The following DNAH5 variants were observed in gnomAD, a reference collection of about 807,000 sequenced individuals.
The protein encoded by DNAH5 is axonemal beta dynein heavy chain 5.
A neutral mutation model predicts 518.2 loss-of-function variants in DNAH5; 372 were observed. The observed-to-expected ratio is 0.72, with a 90% CI of 0.66 to 0.78. The LOEUF is 0.78. Among genes scored for constraint, DNAH5 ranks in the 30% least tolerant of loss-of-function variants. The pLI, the probability that DNAH5 is intolerant of heterozygous loss-of-function variation, is 0.00. For synonymous variants in DNAH5, 2,039 were observed against 2,025.9 expected, an observed-to-expected ratio of 1.01 and a Z score of -0.17; for missense variants, 5,523 against 5,687.0, an observed-to-expected ratio of 0.97 and a Z score of 0.93.
chr5:13,758,860 T>A lies in DNAH5; in HGVS notation c.10405A>T (p.Met3469Leu). 1 of 1,614,212 alleles carries A rather than the reference T, an allele frequency of 6.2e-7. No homozygotes were observed. Among genetic ancestry groups the A allele is most frequent in the Non-Finnish European group, 8.5e-7 (1 of 1,180,012 alleles). ...DVVQAEYEQA[M>L]TEKQTLLEDA... ...AGGGCAGTTACCTGCTTTTCAGTCA[T>A]GGCCTGTTCATACTCAGCCTGCACC... Residue 3469 changes from methionine to leucine, a missense_variant, in exon 61 of 79, where the codon ATG becomes TTG. Coordinates refer to ENST00000265104, the MANE Select transcript of DNAH5 (RefSeq NM_001369.3).
Position 13,882,800 on chromosome 5 carries a change from T to C in DNAH5, c.3190A>G (p.Arg1064Gly). ...ELLSKKKIQE[R>G]KMAALQSNED... Reference sequence around the variant, plus strand: ...TTACTCTGCAAAGCAGCCATTTTTCTTTCTTGTATCTTTTTCTACAATGTA... The same window carrying C: ...TTACTCTGCAAAGCAGCCATTTTTCCTTCTTGTATCTTTTTCTACAATGTA... The change falls in exon 21 of 79, where the codon AGA becomes GGA. Residue 1064 changes from arginine to glycine, a missense_variant. Around this residue, in one of 3 missense-constraint regions of DNAH5, gnomAD observed 5,121 missense variants for 5,223.3 expected, o/e 0.98. Transcript: ENST00000265104. 1.2e-6 allele frequency: 2 copies of C among 1,614,178 alleles called. No homozygotes were observed. Among genetic ancestry groups the C allele is most frequent in the Non-Finnish European group, 1.7e-6 (2 of 1,179,974 alleles).
Position 13,739,770 on chromosome 5 carries a change from C to T in DNAH5, c.11212-2275G>A, listed in dbSNP as rs573563078. 7.2e-4 allele frequency among the ~76,000 whole-genome samples: 110 copies of T among 152,272 alleles called. 2 individuals are homozygous for T. In the South Asian group the frequency reaches 7.3e-3, roughly 10 times the overall value. ...CCCAAACCGTCACTGTTAACCATTA[C>T]GCAAGTTCTTCCCTTTAGTGGCTCT... On this transcript the variant is annotated intron_variant, in intron 65 of 78. Coordinates refer to ENST00000265104, the MANE Select transcript of DNAH5 (RefSeq NM_001369.3).
intron 8 of DNAH5, among the ~76,000 whole-genome samples, 182 bp downstream of exon 8, chr5:13,916,961 T>A (rs972974080): frequency 1.3e-5 from 2 of 152,198 alleles, no homozygotes; most frequent in African/African-American, 4.8e-5. Context: ...GAAATAGATA[T>A]AGAAATACAG....
chr5:13,842,248 T>C (rs1399017281), intron 32 of DNAH5, among the ~76,000 whole-genome samples: 1 of 151,470 alleles, frequency 6.6e-6, no homozygotes, highest in Non-Finnish European at 1.5e-5. Context: ...GGCATGGTGG[T>C]GGGCGCCTAT....
At chr5:13,960,280 G>A (rs1561008714) in intron 1 of DNAH5, among the ~76,000 whole-genome samples, 1 of 152,192 alleles carries the variant, frequency 6.6e-6, no homozygotes, top group Non-Finnish European at 1.5e-5. Flanking sequence ...TACAGTGAAT[G>A]TGAGGAGGTG....
chr5:13,912,905 G>A (rs1352523089), intron 11 of DNAH5, among the ~76,000 whole-genome samples: 2 of 151,752 alleles, frequency 1.3e-5, no homozygotes, highest in African/African-American at 4.8e-5. Flanking sequence ...CATCTACTAT[G>A]TGCCAGTAAA....
intron 1 of DNAH5, among the ~76,000 whole-genome samples, chr5:13,941,600 T>C (rs1441836242): frequency 6.6e-6 from 1 of 152,214 alleles, no homozygotes. Context: ...GCAAAGGTTC[T>C]TTCTGTCTTG....
chr5:13,879,048 T>C (rs1279799135), intron 21 of DNAH5, among the ~76,000 whole-genome samples: 1 of 152,134 alleles, frequency 6.6e-6, no homozygotes, highest in Non-Finnish European at 1.5e-5. Flanking sequence ...GGACAAACAC[T>C]AAGATTAGAG....
intron 22 of DNAH5, among the ~76,000 whole-genome samples, chr5:13,872,064 C>T (rs1013907615): frequency 6.6e-6 from 1 of 152,094 alleles, no homozygotes; most frequent in Non-Finnish European, 1.5e-5. Context: ...TGGAGCTGGG[C>T]CTTAGATCAA....
chr5:13,773,537 A>G (rs529843124), intron 55 of DNAH5, among the ~76,000 whole-genome samples: 3 of 152,332 alleles, frequency 2.0e-5, no homozygotes, highest in Non-Finnish European at 4.4e-5. Flanking sequence ...ATGAATTTCT[A>G]CACAGTCTGA....
chr5:13,842,862 G>C (rs967044823), intron 32 of DNAH5, among the ~76,000 whole-genome samples: 1 of 152,152 alleles, frequency 6.6e-6, no homozygotes, highest in Non-Finnish European at 1.5e-5. Context: ...AAAGCAACGC[G>C]ATCTTAAGAA....
chr5:14,001,022 C>T (rs1366842681), intron 1 of DNAH5, among the ~76,000 whole-genome samples: 1 of 152,190 alleles, frequency 6.6e-6, no homozygotes, highest in African/African-American at 2.4e-5. Flanking sequence ...GGCCATTATC[C>T]TAAGCAAACT....
chr5:13,989,920 C>T (rs533793703), intron 1 of DNAH5, among the ~76,000 whole-genome samples: 1 of 152,236 alleles, frequency 6.6e-6, no homozygotes, highest in South Asian at 2.1e-4. Flanking sequence ...CTGTTCTAAG[C>T]ACTTCATAAA....
rs982387406 is a variant in DNAH5 at position 13,919,348 on chromosome 5, A to G, written c.803T>C (p.Leu268Pro). 1.2e-6 allele frequency: 2 copies of G among 1,613,910 alleles called. No individual in the cohort carries two copies. Among genetic ancestry groups the G allele is most frequent in the Non-Finnish European group, 8.5e-7 (1 of 1,179,858 alleles). Reference protein sequence around the residue: ...KVWIKQTEQVLAENNQLLKEA... With the variant: ...KVWIKQTEQVPAENNQLLKEA... ...CTTCAGCAGCTGATTGTTTTCAGCA[A>G]GAACCTGCAAATGCGCGGGGAAAAA... The change falls in exon 7 of 79, where the codon CTT becomes CCT. Residue 268 changes from leucine (L) to proline (P), a missense_variant. Leu to Pro is a moderately conservative substitution (Grantham distance 98). Transcript: ENST00000265104.
intron 15 of DNAH5, among the ~76,000 whole-genome samples, chr5:13,895,638 TA>T (rs1773821535): frequency 1.3e-4 from 20 of 152,120 alleles, no homozygotes; most frequent in African/African-American, 4.6e-4. Flanking sequence ...CGGGAACCAG[TA>T]TTGATCTCAA....
intron 65 of DNAH5, among the ~76,000 whole-genome samples, chr5:13,747,118 T>C (rs979359031): frequency 6.7e-6 from 1 of 149,660 alleles, no homozygotes; most frequent in African/African-American, 2.4e-5. Flanking sequence ...AATTCCCACC[T>C]ACGAGTGAGA....
chr5:13,915,250 G>A (rs932042555), intron 9 of DNAH5, among the ~76,000 whole-genome samples: 2 of 152,078 alleles, frequency 1.3e-5, no homozygotes, highest in African/African-American at 2.4e-5. Flanking sequence ...TGCAAGGGGT[G>A]GGGGTATAGG....
At chr5:13,722,615 T>C (rs1745203766) in intron 70 of DNAH5, among the ~76,000 whole-genome samples, 1 of 152,222 alleles carries the variant, frequency 6.6e-6, no homozygotes, top group African/African-American at 2.4e-5. Flanking sequence ...TCATCATTCA[T>C]ATAGCCAGGT....
At chr5:13,726,788 C>T (rs1446091336) in intron 70 of DNAH5, among the ~76,000 whole-genome samples, 1 of 152,182 alleles carries the variant, frequency 6.6e-6, no homozygotes, top group South Asian at 2.1e-4. Flanking sequence ...AAATATCTTA[C>T]ATTCTATTAT....
Sources: gnomAD v4.1 joint callset for allele counts (sites outside exome capture counted in the v4.1 genomes callset) on GRCh38, gnomAD v4.1.1 for gene constraint, gnomAD v4.1.1 regional missense constraint, MANE v1.5 for transcripts, NCBI Gene and HGNC (gene_info 2026-07-23, HGNC 2026-07-21) for gene names.